Variants in ATP8B4 observed in about 807,000 individuals in gnomAD.
The protein encoded by ATP8B4 is ATPase phospholipid transporting 8B4 (putative).
Under a neutral mutation model 145.6 loss-of-function variants are expected in ATP8B4, and 133 were observed. That is an observed-to-expected ratio of 0.91 (90% CI 0.79 to 1.05). The LOEUF (loss-of-function observed/expected upper bound fraction) is 1.05. ATP8B4 is among the 50% of genes least tolerant of loss of function. ATP8B4 has a pLI of 0.00. For synonymous variants in ATP8B4, 507 were observed against 492.9 expected, an observed-to-expected ratio of 1.03 and a Z score of -0.38; for missense variants, 1,458 against 1,425.2, an observed-to-expected ratio of 1.02 and a Z score of -0.37.
intron 1 of ATP8B4, among the ~76,000 whole-genome samples, chr15:50,147,171 T>C (rs1479622416): frequency 6.6e-6 from 1 of 152,036 alleles, no homozygotes; most frequent in Non-Finnish European, 1.5e-5. Context: ...ATCCCAGCAC[T>C]TGGGGAGGTC....
intron 27 of ATP8B4, among the ~76,000 whole-genome samples, chr15:49,861,792 A>G (rs757670508): frequency 1.3e-4 from 20 of 152,216 alleles, no homozygotes; most frequent in Non-Finnish European, 1.6e-4. Flanking sequence ...TTCAGAAGGT[A>G]ACATCTCACC....
At chr15:49,865,490 A>G (rs1213223316) in intron 26 of ATP8B4, among the ~76,000 whole-genome samples, 2 of 152,244 alleles carry the variant, frequency 1.3e-5, no homozygotes, top group East Asian at 1.9e-4. Flanking sequence ...AAGTAGAGGT[A>G]AAACATCCTG....
At chr15:49,980,126 G>A (rs1479732979) in intron 11 of ATP8B4, among the ~76,000 whole-genome samples, 1 of 152,190 alleles carries the variant, frequency 6.6e-6, no homozygotes, top group Non-Finnish European at 1.5e-5. Context: ...ACATGGGCAT[G>A]TCTTCTTGGC....
chr15:50,056,361 A>G (rs565166954), intron 3 of ATP8B4, among the ~76,000 whole-genome samples: 1 of 152,328 alleles, frequency 6.6e-6, no homozygotes, highest in South Asian at 2.1e-4. Flanking sequence ...AGAGGCAGGA[A>G]CAAGCAGACA....
At chr15:50,107,466 A>C (rs2056742187) in intron 1 of ATP8B4, among the ~76,000 whole-genome samples, 1 of 152,146 alleles carries the variant, frequency 6.6e-6, no homozygotes, top group African/African-American at 2.4e-5. Flanking sequence ...ACTTTTCCTC[A>C]ATTTATTCTC....
At chr15:50,125,338 C>T in intron 1 of ATP8B4, among the ~76,000 whole-genome samples, 1 of 152,214 alleles carries the variant, frequency 6.6e-6, no homozygotes, top group East Asian at 1.9e-4. Flanking sequence ...TGCTCTTCAT[C>T]TCTTTACCCT....
intron 1 of ATP8B4, among the ~76,000 whole-genome samples, chr15:50,151,740 CAAAAAAAAAAA>C (rs58413585): frequency 1.1e-5 from 1 of 91,790 alleles, no homozygotes; most frequent in African/African-American, 4.2e-5. Flanking sequence ...GAACCTGTCT[CAAAAAAAAAAA>C]AAAAAAAAAA....
chr15:49,938,024 G>A (rs747489891), intron 14 of ATP8B4, among the ~76,000 whole-genome samples: 5 of 152,128 alleles, frequency 3.3e-5, no homozygotes, highest in East Asian at 3.9e-4. Flanking sequence ...CGTTGGACCC[G>A]GGGGAAGGAA....
intron 6 of ATP8B4, among the ~76,000 whole-genome samples, chr15:50,036,115 T>C (rs1191043099): frequency 1.3e-5 from 2 of 152,228 alleles, no homozygotes; most frequent in East Asian, 1.9e-4. Flanking sequence ...TACTATCTTA[T>C]ACCTGCTTCC....
chr15:50,151,769 A>G lies in ATP8B4; in HGVS notation c.-43+30492T>C, dbSNP rs957149332. Among the ~76,000 whole-genome samples the G allele has an allele frequency of 2.2e-4, 32 of 146,088 alleles. 1 individual carries two copies. The South Asian group carries it at 6.9e-3, about 31-fold the overall frequency. ...AAAAAAAAAAAAAAAAAAAAGAGAG[A>G]GGTAAGATTTTTACTGGACTTATGC... On this transcript the variant is annotated intron_variant, in intron 1 of 3. Coordinates refer to the ATP8B4 transcript ENST00000558829.
In ATP8B4 at chr15:49,876,449, C is replaced by A. The variant is rs1159722198; in HGVS notation, c.2856G>T (p.Lys952Asn). Residue 952 changes from lysine (K) to asparagine (N), a missense_variant, in exon 25 of 28, where the codon AAG becomes AAT. Transcript: ENST00000284509. Reference sequence around the variant, plus strand: ...GCAACACGCAAATGAAAAATTTACGCTTGTTAAAAAGCAGATTCAGCTGTC... The same window carrying A: ...GCAACACGCAAATGAAAAATTTACGATTGTTAAAAAGCAGATTCAGCTGTC... ...KPGQLNLLFN[K>N]RKFFICVLHG... The A allele has an allele frequency of 6.2e-7, 1 of 1,614,116 alleles. No individual in the cohort carries two copies. The highest frequency in any genetic ancestry group is 1.7e-4 in the Middle Eastern group (1 of 6,060).
chr15:49,865,356 T>C (rs1042354456), intron 26 of ATP8B4, among the ~76,000 whole-genome samples: 1 of 152,234 alleles, frequency 6.6e-6, no homozygotes, highest in African/African-American at 2.4e-5. Context: ...ATCTGTATCC[T>C]TTGTAATATC....
At chr15:49,886,930 C>T (rs1282923278) in intron 23 of ATP8B4, among the ~76,000 whole-genome samples, 1 of 152,076 alleles carries the variant, frequency 6.6e-6, no homozygotes, top group African/African-American at 2.4e-5. Flanking sequence ...CTGCCTCAGC[C>T]TCCCGAGTAG....
chr15:49,975,015 C>A (rs542163852), intron 12 of ATP8B4, among the ~76,000 whole-genome samples: 28 of 152,254 alleles, frequency 1.8e-4, no homozygotes, highest in African/African-American at 6.3e-4. Context: ...TCTTCCTCTT[C>A]AAAAATTCTT....
At chr15:50,172,980 C>T (rs1490046562) in intron 1 of ATP8B4, among the ~76,000 whole-genome samples, 1 of 150,158 alleles carries the variant, frequency 6.7e-6, no homozygotes, top group East Asian at 2.0e-4. Context: ...GGGGCAGCCC[C>T]CGCCCGGCCA....
chr15:50,058,249 C>A (rs2052748346), intron 3 of ATP8B4, among the ~76,000 whole-genome samples: 1 of 152,104 alleles, frequency 6.6e-6, no homozygotes, highest in African/African-American at 2.4e-5. Context: ...TTATCCTGAG[C>A]TTTAGGGATC....
chr15:50,030,060 A>G (rs2050317221), intron 6 of ATP8B4, among the ~76,000 whole-genome samples: 1 of 152,148 alleles, frequency 6.6e-6, no homozygotes, highest in Admixed American at 6.5e-5. Context: ...TCTGAATGAA[A>G]CCAAATTTCT....
intron 5 of ATP8B4, 92 bp from the exon 6 acceptor site, chr15:50,038,921 T>A: frequency 9.1e-7 from 1 of 1,101,252 alleles, no homozygotes; most frequent in Non-Finnish European, 1.4e-6. Context: ...TTCATCCATT[T>A]AAACTGTGTT....
intron 8 of ATP8B4, among the ~76,000 whole-genome samples, chr15:49,998,010 T>C (rs1413054105): frequency 6.6e-6 from 1 of 152,062 alleles, no homozygotes; most frequent in African/African-American, 2.4e-5. Flanking sequence ...AACATGTCCA[T>C]CCATTTAAAC....
Sources: allele counts gnomAD v4.1 joint callset (sites outside exome capture counted in the v4.1 genomes callset), GRCh38; gene constraint gnomAD v4.1.1; transcripts MANE v1.5; gene names NCBI Gene and HGNC (gene_info 2026-07-23, HGNC 2026-07-21).